The following NAALADL2 variants were observed in gnomAD, a reference collection of about 807,000 sequenced individuals.
NAALADL2 encodes inactive N-acetylated-alpha-linked acidic dipeptidase-like protein 2.
Under a neutral mutation model 87.2 loss-of-function variants are expected in NAALADL2, and 76 were observed. The ratio of observed to expected loss-of-function variants is 0.87; its 90% confidence interval spans 0.72 to 1.05. The LOEUF (loss-of-function observed/expected upper bound fraction) is 1.05. Among genes scored for constraint, NAALADL2 ranks in the 50% least tolerant of loss-of-function variants. NAALADL2 has a pLI of 0.00. For synonymous variants in NAALADL2, 354 were observed against 331.0 expected (o/e 1.07, Z -0.75); for missense variants, 1,089 against 945.8 (o/e 1.15, Z -1.99).
At chr3:175,754,634 A>C (rs953924331) in intron 12 of NAALADL2, among the ~76,000 whole-genome samples, 2 of 152,218 alleles carry the variant, frequency 1.3e-5, no homozygotes, top group Middle Eastern at 3.2e-3. Context: ...TCTCAAGAGA[A>C]AAGATCACAA....
intron 1 of NAALADL2, among the ~76,000 whole-genome samples, chr3:174,475,300 AG>A (rs1264800743): frequency 3.9e-5 from 6 of 151,996 alleles, no homozygotes; most frequent in Admixed American, 3.9e-4. Flanking sequence ...AATAATTAAA[AG>A]TGAAAGAAAA....
intron 3 of NAALADL2, among the ~76,000 whole-genome samples, chr3:174,818,579 C>T (rs1372621597): frequency 2.0e-5 from 3 of 152,122 alleles, no homozygotes; most frequent in Non-Finnish European, 2.9e-5. Flanking sequence ...TCACCTTTGT[C>T]TTGGATTTCT....
intron 1 of NAALADL2, among the ~76,000 whole-genome samples, chr3:174,869,888 T>C (rs1220669103): frequency 1.3e-5 from 2 of 150,078 alleles, no homozygotes; most frequent in Non-Finnish European, 3.0e-5. Flanking sequence ...TCCAGCTACT[T>C]GGGAGGTTGA....
At chr3:174,967,166 T>G (rs1287986373) in intron 1 of NAALADL2, among the ~76,000 whole-genome samples, 2 of 152,130 alleles carry the variant, frequency 1.3e-5, no homozygotes, top group African/African-American at 4.8e-5. Flanking sequence ...TAGTGGTCCC[T>G]TTTTTAAAGC....
intron 5 of NAALADL2, among the ~76,000 whole-genome samples, chr3:175,405,126 C>A (rs1016155040): frequency 6.6e-6 from 1 of 152,050 alleles, no homozygotes; most frequent in Admixed American, 6.6e-5. Context: ...CTGCACATGT[C>A]TATATTAGCA....
At chr3:174,818,855 TG>T (rs1721084641) in intron 3 of NAALADL2, among the ~76,000 whole-genome samples, 1 of 151,758 alleles carries the variant, frequency 6.6e-6, no homozygotes, top group Non-Finnish European at 1.5e-5. Context: ...AGGGAGGGAG[TG>T]GGGGCTTAGG....
intron 2 of NAALADL2, among the ~76,000 whole-genome samples, chr3:175,196,414 G>C (rs555428788): frequency 6.6e-6 from 1 of 151,884 alleles, no homozygotes; most frequent in East Asian, 1.9e-4. Flanking sequence ...CTTTCTCCAG[G>C]CATCTTCCTA....
chr3:175,656,245 T>C (rs1447560358), intron 11 of NAALADL2, among the ~76,000 whole-genome samples: 1 of 152,194 alleles, frequency 6.6e-6, no homozygotes, highest in Non-Finnish European at 1.5e-5. Flanking sequence ...TTCAAATACA[T>C]ATGAGTTGAA....
intron 1 of NAALADL2, among the ~76,000 whole-genome samples, chr3:174,968,611 C>G (rs1317099197): frequency 6.6e-6 from 1 of 152,078 alleles, no homozygotes; most frequent in Non-Finnish European, 1.5e-5. Context: ...TCCCGAGTAG[C>G]TGGGATTACA....
chr3:175,105,838 G>A (rs1371333157), intron 2 of NAALADL2, among the ~76,000 whole-genome samples: 1 of 151,816 alleles, frequency 6.6e-6, no homozygotes, highest in African/African-American at 2.4e-5. Context: ...AGTTTTTAAT[G>A]ACATTCTGTT....
At chr3:175,717,248 T>C (rs766805388) in intron 11 of NAALADL2, among the ~76,000 whole-genome samples, 12 of 152,156 alleles carry the variant, frequency 7.9e-5, no homozygotes, top group Non-Finnish European at 1.8e-4. Context: ...ATTATCCTTT[T>C]GAGGCAGGGC....
At chr3:175,784,324 A>C (rs980257443) in intron 13 of NAALADL2, among the ~76,000 whole-genome samples, 2 of 152,096 alleles carry the variant, frequency 1.3e-5, no homozygotes, top group African/African-American at 4.8e-5. Flanking sequence ...CTGTGAATCC[A>C]TCTGGTCCTG....
intron 1 of NAALADL2, chr3:174,459,297 A>T (rs1186349097): frequency 6.6e-6 from 1 of 152,150 alleles, no homozygotes; most frequent in African/African-American, 2.4e-5. Context: ...GTGCTGTTTA[A>T]AGAGAAAAGG....
intron 4 of NAALADL2, among the ~76,000 whole-genome samples, chr3:175,277,796 A>G (rs1168233300): frequency 6.6e-6 from 1 of 152,058 alleles, no homozygotes; most frequent in Non-Finnish European, 1.5e-5. Flanking sequence ...TTACCCTCCT[A>G]TCTCAGGACA....
At chr3:175,070,797 A>G (rs1715491504) in intron 1 of NAALADL2, among the ~76,000 whole-genome samples, 2 of 152,080 alleles carry the variant, frequency 1.3e-5, no homozygotes, top group Non-Finnish European at 2.9e-5. Context: ...TTATTAATCC[A>G]TCACTAATAT....
intron 1 of NAALADL2, among the ~76,000 whole-genome samples, chr3:175,002,937 T>G (rs1037540991): frequency 2.0e-5 from 3 of 152,174 alleles, no homozygotes; most frequent in African/African-American, 7.2e-5. Context: ...GCATCCTCAC[T>G]CTTTCCATGG....
chr3:174,938,015 GT>G, intron 1 of NAALADL2, among the ~76,000 whole-genome samples: 1 of 151,898 alleles, frequency 6.6e-6, no homozygotes, highest in East Asian at 1.9e-4. Context: ...ATATCCCCTA[GT>G]TTTTTTGCTT....
intron 5 of NAALADL2, among the ~76,000 whole-genome samples, chr3:175,343,820 A>G (rs1762851022): frequency 6.6e-6 from 1 of 152,036 alleles, no homozygotes; most frequent in African/African-American, 2.4e-5. Flanking sequence ...AGAGGGCAGT[A>G]GAAAGGCAAA....
chr3:175,268,223 G>C (rs996832404), intron 4 of NAALADL2, among the ~76,000 whole-genome samples: 5 of 152,132 alleles, frequency 3.3e-5, no homozygotes, highest in African/African-American at 4.8e-5. Flanking sequence ...ATTGCTCCCA[G>C]AATACAGATA....
Sources: gnomAD v4.1 joint callset for allele counts (sites outside exome capture counted in the v4.1 genomes callset) on GRCh38, gnomAD v4.1.1 for gene constraint, MANE v1.5 for transcripts, NCBI Gene and HGNC (gene_info 2026-07-23, HGNC 2026-07-21) for gene names.